Variants in AUTS2 observed in about 807,000 individuals in gnomAD.
The protein encoded by AUTS2 is activator of transcription and developmental regulator AUTS2.
AUTS2 carries 17 observed loss-of-function variants against 112.4 expected under a neutral mutation model. The observed-to-expected ratio is 0.15, with a 90% CI of 0.10 to 0.23. The LOEUF is 0.23. Among genes scored for constraint, AUTS2 ranks in the 10% least tolerant of loss-of-function variants. AUTS2 has a pLI of 1.00. For synonymous variants in AUTS2, 751 were observed against 702.7 expected (o/e 1.07, Z -1.09); for missense variants, 1,510 against 1,701.6 (o/e 0.89, Z 1.98).
chr7:69,643,835 C>T (rs1010376739), intron 1 of AUTS2, among the ~76,000 whole-genome samples: 2 of 152,124 alleles, frequency 1.3e-5, no homozygotes, highest in African/African-American at 4.8e-5. Context: ...TCCCAGCTAC[C>T]AGAGAGGCTG....
At position 70,740,108 on chromosome 7, in the gene AUTS2, C is replaced by A. The variant is rs148362562; in HGVS notation, c.743-22762C>A. 1.8e-4 allele frequency among the ~76,000 whole-genome samples: 28 copies of A among 152,298 alleles called. No homozygotes were observed. The East Asian group carries it at 5.2e-3, about 28-fold the overall frequency. On this transcript the variant is annotated intron_variant, in intron 6 of 18. Transcript: ENST00000342771. ...GTGGAGCTTAATCAGTACCTGTCATCCCCATTTTCCCAGTGACAGATTTTT... is the reference window on the plus strand; with the variant it reads ...GTGGAGCTTAATCAGTACCTGTCATACCCATTTTCCCAGTGACAGATTTTT...
intron 1 of AUTS2, among the ~76,000 whole-genome samples, chr7:69,680,919 C>T (rs1369221563): frequency 6.6e-6 from 1 of 152,232 alleles, no homozygotes; most frequent in Non-Finnish European, 1.5e-5. Context: ...ATCCGCCAGC[C>T]TCAGCCTCCC....
At chr7:69,883,394 C>T (rs1420973322) in intron 1 of AUTS2, among the ~76,000 whole-genome samples, 1 of 151,342 alleles carries the variant, frequency 6.6e-6, no homozygotes, top group Middle Eastern at 3.2e-3. Flanking sequence ...TAGATAACTG[C>T]TGAGAAGAAA....
At chr7:70,352,215 C>T (rs796544673) in intron 4 of AUTS2, among the ~76,000 whole-genome samples, 7 of 152,274 alleles carry the variant, frequency 4.6e-5, no homozygotes, top group African/African-American at 1.4e-4. Context: ...AGAACGCATG[C>T]TCTTAACCCC....
chr7:69,851,859 C>A (rs1792497837), intron 1 of AUTS2, among the ~76,000 whole-genome samples: 1 of 152,124 alleles, frequency 6.6e-6, no homozygotes, highest in Non-Finnish European at 1.5e-5. Flanking sequence ...GAGTTGACTT[C>A]TAGGAGTTTT....
At chr7:70,768,686 G>C (rs1275355011) in intron 10 of AUTS2, among the ~76,000 whole-genome samples, 2 of 151,882 alleles carry the variant, frequency 1.3e-5, no homozygotes, top group Non-Finnish European at 2.9e-5. Context: ...AAAAAAACTT[G>C]TTTTATGCCA....
chr7:69,748,164 A>G (rs1787589854), intron 1 of AUTS2, among the ~76,000 whole-genome samples: 1 of 152,132 alleles, frequency 6.6e-6, no homozygotes, highest in Non-Finnish European at 1.5e-5. Flanking sequence ...TGTTCCCTTT[A>G]AAAACAGCTT....
At chr7:70,334,709 A>G (rs1009773970) in intron 4 of AUTS2, among the ~76,000 whole-genome samples, 8 of 152,112 alleles carry the variant, frequency 5.3e-5, no homozygotes, top group Admixed American at 4.6e-4. Flanking sequence ...CCCTCTAACA[A>G]TCTTTCCTTT....
chr7:70,455,160 C>T (rs542981750), intron 5 of AUTS2, among the ~76,000 whole-genome samples: 1 of 152,280 alleles, frequency 6.6e-6, no homozygotes, highest in East Asian at 1.9e-4. Flanking sequence ...TGTTCTCACT[C>T]CTGAATGTAA....
chr7:70,505,298 G>A (rs1295842834), intron 5 of AUTS2, among the ~76,000 whole-genome samples: 4 of 152,160 alleles, frequency 2.6e-5, no homozygotes, highest in Admixed American at 2.6e-4. Flanking sequence ...AAATCAGGTG[G>A]GTGATGGTTT....
At chr7:70,083,719 G>A (rs1359049371) in intron 2 of AUTS2, among the ~76,000 whole-genome samples, 2 of 152,130 alleles carry the variant, frequency 1.3e-5, no homozygotes, top group Admixed American at 1.3e-4. Flanking sequence ...GGCTGAGGAA[G>A]CAGAATCACT....
At chr7:70,569,785 A>G (rs1323075070) in intron 5 of AUTS2, among the ~76,000 whole-genome samples, 3 of 152,180 alleles carry the variant, frequency 2.0e-5, no homozygotes, top group Non-Finnish European at 2.9e-5. Flanking sequence ...AGATCTACAT[A>G]CTGTATTAGC....
At chr7:69,847,904 C>T (rs1792282825) in intron 1 of AUTS2, among the ~76,000 whole-genome samples, 1 of 152,216 alleles carries the variant, frequency 6.6e-6, no homozygotes, top group South Asian at 2.1e-4. Context: ...GGCGATCCTC[C>T]TTTTATCACT....
chr7:69,632,527 C>T (rs917708755), intron 1 of AUTS2, among the ~76,000 whole-genome samples: 3 of 149,666 alleles, frequency 2.0e-5, no homozygotes, highest in Non-Finnish European at 4.4e-5. Flanking sequence ...CACCCCCTCT[C>T]CTCCCTTCTC....
At chr7:70,756,704 A>G (rs970338213) in intron 6 of AUTS2, among the ~76,000 whole-genome samples, 7 of 152,218 alleles carry the variant, frequency 4.6e-5, no homozygotes, top group African/African-American at 1.4e-4. Context: ...ATACATGGTC[A>G]TGGAGATTCA....
chr7:69,731,501 A>G (rs1786792717), intron 1 of AUTS2, among the ~76,000 whole-genome samples: 1 of 152,238 alleles, frequency 6.6e-6, no homozygotes, highest in Non-Finnish European at 1.5e-5. Context: ...CCTGACCCAT[A>G]GCAAATGCTA....
At chr7:69,921,137 A>G (rs558640557) in intron 2 of AUTS2, among the ~76,000 whole-genome samples, 21 of 152,200 alleles carry the variant, frequency 1.4e-4, no homozygotes, top group African/African-American at 4.8e-4. Context: ...TCTTATTGTT[A>G]ATGTGAGAAT....
At chr7:69,923,015 A>G (rs904472396) in intron 2 of AUTS2, among the ~76,000 whole-genome samples, 3 of 152,210 alleles carry the variant, frequency 2.0e-5, no homozygotes, top group Admixed American at 6.5e-5. Flanking sequence ...AATATCAGTT[A>G]TCACAGATTG....
At chr7:70,762,722 AG>A (rs1025595895) in intron 6 of AUTS2, 147 bp from the exon 7 acceptor site, 4 of 690,242 alleles carry the variant, frequency 5.8e-6, no homozygotes, top group African/African-American at 3.5e-5. Flanking sequence ...ATACCCCCGC[AG>A]GTGGTGGAGA....
Sources: gnomAD v4.1 joint callset for allele counts (sites outside exome capture counted in the v4.1 genomes callset) on GRCh38, gnomAD v4.1.1 for gene constraint, MANE v1.5 for transcripts, NCBI Gene and HGNC (gene_info 2026-07-23, HGNC 2026-07-21) for gene names.